Variants in BANK1 observed in about 807,000 individuals in gnomAD.
BANK1 encodes B cell scaffold protein with ankyrin repeats 1.
BANK1 carries 95 observed loss-of-function variants against 94.5 expected under a neutral mutation model. That is an observed-to-expected ratio of 1.00 (90% confidence interval 0.85 to 1.19). The LOEUF is 1.19. BANK1 is among the 50% of genes most tolerant of loss of function. The pLI is 0.00. For synonymous variants in BANK1, 334 were observed against 308.4 expected (o/e 1.08, Z -0.87); for missense variants, 987 against 932.2 (o/e 1.06, Z -0.77).
chr4:101,962,269 G>A (rs949698315), intron 7 of BANK1, among the ~76,000 whole-genome samples: 9 of 152,038 alleles, frequency 5.9e-5, no homozygotes, highest in East Asian at 1.9e-4. Flanking sequence ...ACGGCATCAT[G>A]CAGACCAAGT....
chr4:101,877,146 A>G (rs1453621127), intron 5 of BANK1, among the ~76,000 whole-genome samples: 2 of 152,182 alleles, frequency 1.3e-5, no homozygotes, highest in Non-Finnish European at 2.9e-5. Flanking sequence ...TCAAAGGGGT[A>G]ATAACAGATA....
intron 7 of BANK1, among the ~76,000 whole-genome samples, chr4:101,980,190 T>C (rs1725281301): frequency 6.6e-6 from 1 of 151,942 alleles, no homozygotes. Context: ...TATAGATTTC[T>C]GTGTCAATGT....
At chr4:101,879,775 G>A (rs1728611405) in intron 5 of BANK1, among the ~76,000 whole-genome samples, 1 of 152,034 alleles carries the variant, frequency 6.6e-6, no homozygotes, top group Non-Finnish European at 1.5e-5. Context: ...GGGATGTAAG[G>A]ATGTTTCAAA....
At chr4:101,958,483 T>C (rs1385940389) in intron 7 of BANK1, among the ~76,000 whole-genome samples, 22 of 103,242 alleles carry the variant, frequency 2.1e-4, no homozygotes, top group South Asian at 5.7e-4. Context: ...TTTTTTTTTT[T>C]CTTAAAATAT....
intron 7 of BANK1, among the ~76,000 whole-genome samples, chr4:101,979,237 G>C (rs146474822): frequency 1.3e-5 from 2 of 151,796 alleles, no homozygotes; most frequent in South Asian, 2.1e-4. Flanking sequence ...TGCAGCAAAG[G>C]CTTTCTTAAG....
At chr4:101,835,943 T>C (rs1726808560) in intron 2 of BANK1, among the ~76,000 whole-genome samples, 1 of 152,200 alleles carries the variant, frequency 6.6e-6, no homozygotes, top group African/African-American at 2.4e-5. Flanking sequence ...TCTCTTCATC[T>C]GGAGTATCCT....
chr4:101,797,012 T>G (rs983096230), intron 1 of BANK1, among the ~76,000 whole-genome samples: 2 of 152,150 alleles, frequency 1.3e-5, no homozygotes, highest in Non-Finnish European at 2.9e-5. Flanking sequence ...TCTCAGTGGA[T>G]TAATATCAGT....
At chr4:101,870,715 GCTTTGGTATAA>G in intron 5 of BANK1, 71 bp downstream of exon 5, 1 of 1,489,782 alleles carries the variant, frequency 6.7e-7, no homozygotes, top group South Asian at 1.4e-5. Context: ...GAGGATTCAT[GCTTTGGTATAA>G]GTTTGAATGT....
Position 101,870,661 on chromosome 4 carries a change from A to T in BANK1, c.903+17A>T, listed in dbSNP as rs1728251722. On this transcript the variant is annotated intron_variant, in intron 5 of 16. Coordinates refer to ENST00000322953, the MANE Select transcript of BANK1 (RefSeq NM_017935.5). ...TTGTGCCAGGTAAGTTAATCTTTCC[A>T]CGAAGTTAATCATAATGTAAGCTGA... 1 of 1,605,330 alleles carries T rather than the reference A, an allele frequency of 6.2e-7. No individual in the cohort carries two copies. The highest frequency in any genetic ancestry group is 1.1e-5 in the South Asian group (1 of 89,848).
intron 7 of BANK1, among the ~76,000 whole-genome samples, chr4:101,955,641 T>C (rs556355396): frequency 6.6e-6 from 1 of 152,298 alleles, no homozygotes; most frequent in African/African-American, 2.4e-5. Flanking sequence ...CAGGGGAAAA[T>C]TGTCTCTTTA....
At chr4:102,007,122 T>TTA (rs199665393) in intron 7 of BANK1, among the ~76,000 whole-genome samples, 3 of 86,626 alleles carry the variant, frequency 3.5e-5, no homozygotes, top group African/African-American at 5.3e-5. Flanking sequence ...AATATATATT[T>TTA]TATATATATA....
intron 7 of BANK1, among the ~76,000 whole-genome samples, chr4:101,936,549 T>C (rs1723566567): frequency 6.6e-6 from 1 of 150,480 alleles, no homozygotes; most frequent in Non-Finnish European, 1.5e-5. Context: ...CACATACACG[T>C]ATACATATAT....
chr4:102,029,818 T>C, intron 9 of BANK1, 142 bp from the exon 10 acceptor site: 1 of 668,258 alleles, frequency 1.5e-6, no homozygotes, highest in Non-Finnish European at 2.5e-6. Context: ...ATTATTCTCC[T>C]GGAGTCACGA....
At chr4:102,034,444 A>G (rs184012168) in intron 10 of BANK1, among the ~76,000 whole-genome samples, 5 of 152,316 alleles carry the variant, frequency 3.3e-5, no homozygotes, top group Admixed American at 2.6e-4. Context: ...TAATCTCTAA[A>G]TGAGATAAAA....
At chr4:101,899,614 T>A in intron 6 of BANK1, among the ~76,000 whole-genome samples, 1 of 152,200 alleles carries the variant, frequency 6.6e-6, no homozygotes, top group East Asian at 1.9e-4. Flanking sequence ...CTTCAAAGAT[T>A]CTATATTTCC....
intron 7 of BANK1, among the ~76,000 whole-genome samples, chr4:101,999,774 A>T (rs1435047568): frequency 1.3e-5 from 2 of 152,212 alleles, no homozygotes; most frequent in Non-Finnish European, 2.9e-5. Flanking sequence ...GGGGGAAAGG[A>T]GATTTCTCAG....
At chr4:102,063,023 A>G in intron 12 of BANK1, 52 bp from the exon 13 acceptor site, 1 of 1,429,500 alleles carries the variant, frequency 7.0e-7, no homozygotes, top group Non-Finnish European at 9.8e-7. Flanking sequence ...TTTCATCTTG[A>G]TCCATAAAAA....
chr4:101,905,809 G>T (rs554950070), intron 6 of BANK1, among the ~76,000 whole-genome samples: 1 of 152,160 alleles, frequency 6.6e-6, no homozygotes, highest in Non-Finnish European at 1.5e-5. Context: ...GCTCATAACT[G>T]CAGCACTATA....
At chr4:101,841,647 T>C (rs935265949) in intron 2 of BANK1, among the ~76,000 whole-genome samples, 5 of 151,546 alleles carry the variant, frequency 3.3e-5, no homozygotes, top group African/African-American at 1.2e-4. Context: ...TATTATACTT[T>C]AAGTTTTAGG....
Sources: gnomAD v4.1 joint callset for allele counts (sites outside exome capture counted in the v4.1 genomes callset) on GRCh38, gnomAD v4.1.1 for gene constraint, MANE v1.5 for transcripts, NCBI Gene and HGNC (gene_info 2026-07-23, HGNC 2026-07-21) for gene names.